Variants in KIF15 observed in about 807,000 individuals in gnomAD.
KIF15 encodes kinesin-like protein KIF15.
A neutral mutation model predicts 190.6 loss-of-function variants in KIF15; 140 were observed. The ratio of observed to expected loss-of-function variants is 0.73; its 90% CI spans 0.64 to 0.84. The LOEUF is 0.84. Ranked by LOEUF, KIF15 falls within the 40% of genes least tolerant of loss-of-function variation. The pLI, the probability that KIF15 is intolerant of heterozygous loss-of-function variation, is 0.00. For missense variants in KIF15, 1,372 were observed against 1,584.4 expected, an observed-to-expected ratio of 0.87 and a Z score of 2.28; for synonymous variants, 528 against 551.3, an observed-to-expected ratio of 0.96 and a Z score of 0.59.
chr3:44,841,493 G>A (rs976434769), intron 29 of KIF15, among the ~76,000 whole-genome samples: 2 of 151,754 alleles, frequency 1.3e-5, no homozygotes, highest in East Asian at 3.9e-4. Flanking sequence ...CGCCTCCCAG[G>A]TTCACAGCGT....
intron 1 of KIF15, among the ~76,000 whole-genome samples, chr3:44,765,579 A>G (rs377301139): frequency 6.6e-6 from 1 of 152,126 alleles, no homozygotes; most frequent in African/African-American, 2.4e-5. Context: ...TGATTGCTCT[A>G]TTGTTTTTTA....
chr3:44,831,265 T>A (rs1207778720), intron 26 of KIF15, among the ~76,000 whole-genome samples: 1 of 152,202 alleles, frequency 6.6e-6, no homozygotes, highest in Non-Finnish European at 1.5e-5. Flanking sequence ...GCTGCCAAGC[T>A]TCCTCCTCTG....
chr3:44,843,173 A>G lies in KIF15; in HGVS notation c.3634A>G (p.Ile1212Val), dbSNP rs199665568. The change falls in exon 30 of 35, where the codon ATA becomes GTA. Residue 1212 changes from isoleucine to valine, a missense_variant. Transcript: ENST00000326047. ...CCTACGCCTGGAAAGTCAGCAGTTA[A>G]TAGAGAAAAACTGGCTCCTGCAAGG... ...ENLRLESQQL[I>V]EKNWLLQGQL... 1.6e-4 allele frequency: 264 copies of G among 1,613,606 alleles called. No individual in the cohort carries two copies. Among genetic ancestry groups the G allele is most frequent in the Non-Finnish European group, 2.1e-4 (247 of 1,179,830 alleles).
At position 44,786,013 on chromosome 3, in the gene KIF15, G is replaced by A. The variant is rs369653795; in HGVS notation, c.460-382G>A. ...AGGCAAATCACGAGGTCAGGAGATC[G>A]AGACCATCCTGGCTAACACAGTGAA... On this transcript the variant is annotated intron_variant, in intron 6 of 34. Transcript: ENST00000326047. 3.9e-5 allele frequency among the ~76,000 whole-genome samples: 6 copies of A among 152,166 alleles called. No homozygotes were observed. The East Asian group carries it at 5.8e-4, about 15-fold the overall frequency.
intron 25 of KIF15, 41 bp downstream of exon 25, chr3:44,830,116 G>T: frequency 1.8e-6 from 2 of 1,097,868 alleles, no homozygotes; most frequent in South Asian, 3.0e-5. Flanking sequence ...TTGAGCATGG[G>T]ACACTTCACA....
intron 20 of KIF15, among the ~76,000 whole-genome samples, chr3:44,821,106 C>G (rs6782259): frequency 2.4e-4 from 31 of 129,054 alleles, no homozygotes; most frequent in Admixed American, 3.6e-4. Flanking sequence ...CCTCCCGGAC[C>G]GGGCGGCTGG....
At chr3:44,766,708 T>C (rs970093076) in intron 1 of KIF15, among the ~76,000 whole-genome samples, 4 of 152,174 alleles carry the variant, frequency 2.6e-5, no homozygotes, top group African/African-American at 9.6e-5. Context: ...ACTTTCTTGA[T>C]GAATTTTCAT....
chr3:44,801,564 A>C lies in KIF15; in HGVS notation c.1299+38A>C, dbSNP rs374628814. On this transcript the variant is annotated intron_variant, in intron 12 of 34. Transcript: ENST00000326047. ...ATTAGTAATAAAGGAGATTCAAGAT[A>C]GTTAGTTTTTTGCTGTGTGGTTTTT... The C allele has an allele frequency of 2.9e-6, 4 of 1,357,152 alleles. No individual in the cohort carries two copies. In the African/African-American group the frequency reaches 5.8e-5, roughly 20 times the overall value. 84.1% of individuals were successfully genotyped at this position (1,357,152 alleles called of 1,614,324 possible). A position where few individuals can be genotyped will look rare whatever the true frequency, so the allele number is the denominator to read the frequency against.
intron 23 of KIF15, 87 bp downstream of exon 23, chr3:44,827,615 C>G: frequency 1.4e-6 from 1 of 706,052 alleles, no homozygotes; most frequent in Non-Finnish European, 2.3e-6. Context: ...ATGATTTCAG[C>G]TTGCAGATGT....
At chr3:44,848,827 A>G (rs1698960619) in intron 32 of KIF15, among the ~76,000 whole-genome samples, 1 of 152,214 alleles carries the variant, frequency 6.6e-6, no homozygotes, top group African/African-American at 2.4e-5. Flanking sequence ...GACAATGAGA[A>G]CAATGTAACT....
intron 2 of KIF15, 57 bp downstream of exon 2, chr3:44,774,494 A>T (rs1705785586): frequency 1.5e-5 from 22 of 1,432,024 alleles, no homozygotes; most frequent in South Asian, 6.0e-5. Flanking sequence ...GAATATTTTT[A>T]AAATAACCAT....
At chr3:44,851,558 A>T (rs1305601258) in intron 32 of KIF15, among the ~76,000 whole-genome samples, 1 of 152,216 alleles carries the variant, frequency 6.6e-6, no homozygotes, top group Non-Finnish European at 1.5e-5. Context: ...TGTTTAGAAA[A>T]TGTTTTGAGG....
At chr3:44,798,418 T>C (rs1201323576) in intron 10 of KIF15, among the ~76,000 whole-genome samples, 1 of 151,988 alleles carries the variant, frequency 6.6e-6, no homozygotes, top group East Asian at 1.9e-4. Flanking sequence ...CAGGCTAGAG[T>C]GCAGTGGTGC....
intron 15 of KIF15, among the ~76,000 whole-genome samples, 165 bp from the exon 16 acceptor site, chr3:44,805,680 G>A (rs1707461982): frequency 6.6e-6 from 1 of 152,168 alleles, no homozygotes; most frequent in African/African-American, 2.4e-5. Flanking sequence ...TCTCTGAGCT[G>A]TAGTTTACTG....
chr3:44,829,807 G>A (rs983265283), intron 24 of KIF15, among the ~76,000 whole-genome samples, 164 bp from the exon 25 acceptor site: 3 of 142,706 alleles, frequency 2.1e-5, no homozygotes, highest in Non-Finnish European at 1.5e-5. Flanking sequence ...TATAATATAT[G>A]TATATATATT....
intron 8 of KIF15, among the ~76,000 whole-genome samples, chr3:44,794,832 C>T (rs774207688): frequency 9.9e-5 from 15 of 152,084 alleles, no homozygotes; most frequent in South Asian, 2.1e-4. Context: ...CGTGGTGATG[C>T]GCGCCTGTAG....
chr3:44,823,687 C>T (rs566576960), intron 20 of KIF15, among the ~76,000 whole-genome samples: 11 of 152,178 alleles, frequency 7.2e-5, no homozygotes, highest in East Asian at 1.9e-4. Context: ...GCTTCCAGGC[C>T]GCTTTGTTTA....
intron 5 of KIF15, among the ~76,000 whole-genome samples, chr3:44,783,665 G>C (rs1197330115): frequency 6.6e-6 from 1 of 152,030 alleles, no homozygotes; most frequent in Non-Finnish European, 1.5e-5. Flanking sequence ...TTATTTACTT[G>C]CATTTTTCTA....
intron 1 of KIF15, among the ~76,000 whole-genome samples, chr3:44,771,770 A>G (rs1239791684): frequency 6.6e-6 from 1 of 152,220 alleles, no homozygotes; most frequent in Non-Finnish European, 1.5e-5. Flanking sequence ...TGCTCAATTT[A>G]TGGAAAAGCC....
Sources: allele counts gnomAD v4.1 joint callset (sites outside exome capture counted in the v4.1 genomes callset), GRCh38; gene constraint gnomAD v4.1.1; transcripts MANE v1.5; gene names NCBI Gene and HGNC (gene_info 2026-07-23, HGNC 2026-07-21).